The following ADH1B variants were observed in gnomAD, a reference collection of about 807,000 sequenced individuals.
ADH1B encodes the protein all-trans-retinol dehydrogenase [NAD(+)] ADH1B.
In ADH1B, 29 loss-of-function variants were observed where a neutral mutation model predicts 34.6. The observed-to-expected ratio is 0.84, with a 90% CI of 0.62 to 1.14. The LOEUF (loss-of-function observed/expected upper bound fraction) is 1.14. Among genes scored for constraint, ADH1B ranks in the 50% most tolerant of loss-of-function variants. ADH1B has a pLI of 0.00. For synonymous variants in ADH1B, 170 were observed against 175.5 expected (o/e 0.97, Z 0.25); for missense variants, 424 against 468.4 (o/e 0.91, Z 0.87).
Position 99,314,040 on chromosome 4 carries a change from C to A in ADH1B, c.609G>T (p.Gly203=). ...GSTCAVFGLG[G]VGLSAVMGCK... is the part of the protein sequence containing the mutation. Reference sequence around the variant, plus strand: ...AGCCCATAACAGCAGATAGGCCGACCCCTCCCAGGCCAAACACAGCACAGG... The same window carrying A: ...AGCCCATAACAGCAGATAGGCCGACACCTCCCAGGCCAAACACAGCACAGG... Residue 203 remains glycine, a synonymous_variant, in exon 6 of 9, where the codon GGG becomes GGT. Coordinates refer to ENST00000305046, the MANE Select transcript of ADH1B (RefSeq NM_000668.6). 1.9e-6 allele frequency: 3 copies of A among 1,614,204 alleles called. No homozygotes were observed. Among genetic ancestry groups the A allele is most frequent in the Non-Finnish European group, 2.5e-6 (3 of 1,180,036 alleles).
intron 5 of ADH1B, 34 bp downstream of exon 5, chr4:99,315,864 T>C (rs1189986377): frequency 6.2e-7 from 1 of 1,613,058 alleles, no homozygotes; most frequent in South Asian, 1.1e-5. Context: ...ACAGTCTGCA[T>C]GTAAGCAGTT....
intron 6 of ADH1B, among the ~76,000 whole-genome samples, chr4:99,312,783 G>A (rs939072610): frequency 1.3e-5 from 2 of 152,010 alleles, no homozygotes; most frequent in Admixed American, 6.6e-5. Context: ...AGCCCAGGAG[G>A]TTGAGGCTGC....
intron 1 of ADH1B, 95 bp from the exon 2 acceptor site, chr4:99,318,981 C>T: frequency 7.6e-7 from 1 of 1,314,724 alleles, no homozygotes. Context: ...TATTGCGTCC[C>T]ATGTCTGGTA....
intron 5 of ADH1B, 49 bp from the exon 6 acceptor site, chr4:99,314,130 A>G: frequency 1.2e-6 from 2 of 1,602,536 alleles, no homozygotes; most frequent in Non-Finnish European, 1.7e-6. Flanking sequence ...ATTGTTAGAA[A>G]GTGCCTAAGC....
intron 7 of ADH1B, among the ~76,000 whole-genome samples, chr4:99,311,178 G>A (rs900865266): frequency 3.3e-5 from 5 of 152,118 alleles, no homozygotes; most frequent in Non-Finnish European, 7.4e-5. Flanking sequence ...TTTATCAGTT[G>A]TCTAAATTTG....
rs1243361606 is a variant in ADH1B, at chr4:99,305,503, T to TAC, written c.*2336_*2337insGT. 6.5e-5 allele frequency: 2 copies of TAC among 30,992 alleles called. 1 individual carries two copies. Among genetic ancestry groups the TAC allele is most frequent in the Non-Finnish European group, 1.5e-4 (2 of 13,754 alleles). The allele number at this position is 30,992 out of a possible 1,614,324, so 1.9% of individuals were successfully genotyped here. A position where few individuals can be genotyped will look rare whatever the true frequency, so the allele number is the denominator to read the frequency against. On this transcript the variant is annotated 3_prime_UTR_variant, in exon 9 of 9. Transcript: ENST00000305046. Reference sequence around the variant, plus strand: ...CCAATACTTTCTACACTGGAATACATATATATATATATATATATATACAAT... The same window carrying TAC: ...CCAATACTTTCTACACTGGAATACATACATATATATATATATATATATACAAT...
At position 99,310,822 on chromosome 4, in the gene ADH1B, T is replaced by A; in HGVS notation, c.1046A>T (p.His349Leu). 1 of 1,613,394 alleles carries A rather than the reference T, an allele frequency of 6.2e-7. No homozygotes were observed. Among genetic ancestry groups the A allele is most frequent in the Non-Finnish European group, 8.5e-7 (1 of 1,179,726 alleles). ...KKFSLDALITHVLPFEKINEG... is the reference protein window; with the variant it reads ...KKFSLDALITLVLPFEKINEG... ...ATTTATTTTTTCAAAAGGTAAAACA[T>A]GGGTTATTAACGCATCCAGTGAAAA... The change falls in exon 8 of 9, where the codon CAT (histidine) becomes CTT (leucine). Residue 349 changes from histidine (H) to leucine (L), a missense_variant. His to Leu is a moderately conservative substitution (Grantham distance 99). This residue lies in a region of ADH1B where 130 missense variants were observed against 151.8 expected (regional missense o/e 0.86). Coordinates refer to ENST00000305046, the MANE Select transcript of ADH1B (RefSeq NM_000668.6).
intron 2 of ADH1B, 103 bp downstream of exon 2, chr4:99,318,682 T>A: frequency 9.5e-7 from 1 of 1,048,500 alleles, no homozygotes; most frequent in Non-Finnish European, 1.4e-6. Flanking sequence ...TTCTGGGTGA[T>A]CATATAAGAT....
rs751213846 is a variant in ADH1B, at chr4:99,310,772, C to T, written c.1096G>A (p.Gly366Arg). The change falls in exon 8 of 9, where the codon GGG (glycine) becomes AGG (arginine). Residue 366 changes from glycine (G) to arginine (R), a missense_variant. Physicochemically the swap from Gly to Arg is moderately radical, Grantham distance 125 (BLOSUM62 -2). Coordinates refer to ENST00000305046, the MANE Select transcript of ADH1B (RefSeq NM_000668.6). ...INEGFDLLHSGKSIRTVLTF is the reference protein window; with the variant it reads ...INEGFDLLHSRKSIRTVLTF ...AACTAACTTAAAATCTACCTTTTCC[C>T]AGAGTGAAGCAGGTCAAATCCTTCA... The T allele has an allele frequency of 3.7e-6, 6 of 1,604,902 alleles. No homozygotes were observed. Among genetic ancestry groups the T allele is most frequent in the East Asian group, 4.5e-5 (2 of 44,772 alleles).
intron 8 of ADH1B, among the ~76,000 whole-genome samples, chr4:99,308,201 T>C (rs1344285062): frequency 2.0e-5 from 3 of 152,046 alleles, no homozygotes; most frequent in African/African-American, 2.4e-5. Flanking sequence ...CAGTGGATAA[T>C]AACTTGCAGT....
In ADH1B at chr4:99,307,147, C is replaced by T. The variant is rs2110627037; in HGVS notation, c.*693G>A. On this transcript the variant is annotated 3_prime_UTR_variant, in exon 9 of 9. Transcript: ENST00000305046. Reference sequence around the variant, plus strand: ...CAGTTTTTACAATTAGTAATTGAGGCTTTGTCATATGAAGCAAGAAATCTG... The same window carrying T: ...CAGTTTTTACAATTAGTAATTGAGGTTTTGTCATATGAAGCAAGAAATCTG... 1 of 152,218 alleles carries T rather than the reference C, an allele frequency of 6.6e-6. No homozygotes were observed. Among genetic ancestry groups the T allele is most frequent in the Non-Finnish European group, 1.5e-5 (1 of 67,998 alleles). 9.4% of individuals were successfully genotyped at this position (152,218 alleles called of 1,614,324 possible).
chr4:99,311,370 G>T, intron 7 of ADH1B, 151 bp downstream of exon 7: 1 of 999,284 alleles, frequency 1.0e-6, no homozygotes, highest in Non-Finnish European at 1.4e-6. Flanking sequence ...TTTGGAGACT[G>T]TAGATAGAAA....
intron 8 of ADH1B, chr4:99,310,236 T>C (rs1364848443): frequency 1.7e-5 from 5 of 286,992 alleles, no homozygotes; most frequent in Non-Finnish European, 3.4e-5. Context: ...CTTTCAGTGG[T>C]AAAAAATTTT....
At chr4:99,310,956 TGA>T in intron 7 of ADH1B, 53 bp from the exon 8 acceptor site, 1 of 1,581,876 alleles carries the variant, frequency 6.3e-7, no homozygotes, top group Non-Finnish European at 8.6e-7. Context: ...GTAGGAGAAT[TGA>T]AGAGAAGATT....
chr4:99,307,976 G>A, intron 8 of ADH1B, 112 bp from the exon 9 acceptor site: 1 of 1,397,706 alleles, frequency 7.2e-7, no homozygotes. Context: ...TGTGATCCCA[G>A]CTACCCTATT....
chr4:99,315,991 C>T lies in ADH1B; in HGVS notation c.474G>A (p.Val158=), dbSNP rs778079483. ...SQYTVVDENA[V]AKIDAASPLE... ...GGGGCGAGGCTGCATCAATTTTGGCCACTGCATTCTCATCCACCACCGTGT... is the reference window on the plus strand; with the variant it reads ...GGGGCGAGGCTGCATCAATTTTGGCTACTGCATTCTCATCCACCACCGTGT... The change falls in exon 5 of 9, where the codon GTG becomes GTA. Residue 158 remains valine, a synonymous_variant. Coordinates refer to ENST00000305046, the MANE Select transcript of ADH1B (RefSeq NM_000668.6). 4 of 1,614,054 alleles carry T rather than the reference C, an allele frequency of 2.5e-6. No homozygotes were observed. The highest frequency in any genetic ancestry group is 3.4e-6 in the Non-Finnish European group (4 of 1,180,044).
At chr4:99,311,257 C>A (rs1733747204) in intron 7 of ADH1B, among the ~76,000 whole-genome samples, 1 of 152,022 alleles carries the variant, frequency 6.6e-6, no homozygotes, top group African/African-American at 2.4e-5. Flanking sequence ...TACACAGTCA[C>A]AAGTACAAAA....
intron 8 of ADH1B, among the ~76,000 whole-genome samples, chr4:99,309,046 G>A (rs1733683669): frequency 1.3e-5 from 2 of 151,960 alleles, no homozygotes; most frequent in Non-Finnish European, 1.5e-5. Flanking sequence ...TTCATTAAAT[G>A]AGTCTAAAAT....
chr4:99,305,559 GTGTATATATATA>G lies in ADH1B; in HGVS notation c.*2269_*2280del, dbSNP rs1423869637. 3.2e-3 allele frequency: 137 copies of G among 43,096 alleles called. 4 individuals carry two copies. Among genetic ancestry groups the G allele is most frequent in the Non-Finnish European group, 4.2e-3 (106 of 25,014 alleles). The allele number at this position is 43,096 out of a possible 1,614,324, so 2.7% of individuals were successfully genotyped here. On this transcript the variant is annotated 3_prime_UTR_variant, in exon 9 of 9. Coordinates refer to ENST00000305046, the MANE Select transcript of ADH1B (RefSeq NM_000668.6). ...AACTATATGAACCACTTGCCCCATAGTGTATATATATATATATATATATATATATATATATAT... is the reference window on the plus strand; with the variant it reads ...AACTATATGAACCACTTGCCCCATAGTATATATATATATATATATATATAT...
Sources: allele counts gnomAD v4.1 joint callset (sites outside exome capture counted in the v4.1 genomes callset), GRCh38; gene constraint gnomAD v4.1.1; regional missense constraint gnomAD v4.1.1; transcripts MANE v1.5; gene names NCBI Gene and HGNC (gene_info 2026-07-23, HGNC 2026-07-21).